DLC1: variants seen among roughly 807,000 people sequenced by gnomAD.
DLC1 encodes the protein DLC1 Rho GTPase activating protein.
A neutral mutation model predicts 140.3 loss-of-function variants in DLC1; 54 were observed. That is an observed-to-expected ratio of 0.38 (90% CI 0.31 to 0.48). The LOEUF (loss-of-function observed/expected upper bound fraction) is 0.48, where lower values mean the gene tolerates loss of function less well. DLC1 is among the 20% of genes least tolerant of loss of function. The pLI, the probability that DLC1 is intolerant of heterozygous loss-of-function variation, is 0.96. For missense variants in DLC1, 2,536 were observed against 1,907.0 expected, an observed-to-expected ratio of 1.33 and a Z score of -6.14; for synonymous variants, 986 against 728.1, an observed-to-expected ratio of 1.35 and a Z score of -5.70.
intron 5 of DLC1, among the ~76,000 whole-genome samples, chr8:13,300,393 C>T (rs569086878): frequency 2.0e-5 from 3 of 152,250 alleles, no homozygotes; most frequent in South Asian, 2.1e-4. Flanking sequence ...CGTTTACCTA[C>T]GTAACAAATT....
intron 5 of DLC1, among the ~76,000 whole-genome samples, chr8:13,233,293 T>TAAAAAAAAAAAAAAAAA (rs71207134): frequency 1.4e-5 from 1 of 70,388 alleles, no homozygotes; most frequent in African/African-American, 5.8e-5. Flanking sequence ...AGACTCTGTA[T>TAAAAAAAAAAAAAAAAA]AAAAAAAAAA....
intron 2 of DLC1, among the ~76,000 whole-genome samples, chr8:13,460,239 C>G (rs1186783058): frequency 1.3e-5 from 2 of 152,224 alleles, no homozygotes; most frequent in African/African-American, 4.8e-5. Flanking sequence ...GCCCATCTCT[C>G]TGATTGCCTC....
chr8:13,513,453 C>G (rs1202932426), intron 1 of DLC1, among the ~76,000 whole-genome samples: 2 of 151,928 alleles, frequency 1.3e-5, no homozygotes, highest in African/African-American at 4.8e-5. Flanking sequence ...AGATGGTCAC[C>G]TTGTACTATA....
At chr8:13,323,020 C>T (rs916267811) in intron 4 of DLC1, among the ~76,000 whole-genome samples, 2 of 152,124 alleles carry the variant, frequency 1.3e-5, no homozygotes, top group Non-Finnish European at 2.9e-5. Flanking sequence ...GAAGCAAGGC[C>T]TCCAACAACC....
intron 1 of DLC1, among the ~76,000 whole-genome samples, chr8:13,555,094 A>G (rs1421387870): frequency 1.3e-5 from 2 of 152,220 alleles, no homozygotes; most frequent in African/African-American, 2.4e-5. Flanking sequence ...CGATAACCTC[A>G]TGATTCATTC....
chr8:13,090,762 A>T (rs1204309734), intron 14 of DLC1, among the ~76,000 whole-genome samples: 1 of 152,078 alleles, frequency 6.6e-6, no homozygotes, highest in East Asian at 1.9e-4. Flanking sequence ...GGAAGTGGAT[A>T]CAGCAGTTTA....
intron 4 of DLC1, among the ~76,000 whole-genome samples, chr8:13,360,794 A>T (rs546637848): frequency 1.3e-5 from 2 of 152,298 alleles, no homozygotes; most frequent in Admixed American, 6.5e-5. Context: ...TACTACCCAC[A>T]TACAAACATT....
At chr8:13,276,981 TG>T (rs1159508857) in intron 5 of DLC1, 3 of 152,442 alleles carry the variant, frequency 2.0e-5, no homozygotes, top group Middle Eastern at 3.4e-3. Flanking sequence ...AAGGAAGATA[TG>T]GCTGGAAGGA....
intron 5 of DLC1, among the ~76,000 whole-genome samples, chr8:13,284,329 C>G (rs1257646265): frequency 6.6e-6 from 1 of 152,072 alleles, no homozygotes; most frequent in African/African-American, 2.4e-5. Flanking sequence ...GAGTTCGAGA[C>G]CAGCCTGACC....
chr8:13,390,880 C>T (rs1200606414), intron 4 of DLC1, among the ~76,000 whole-genome samples: 4 of 151,402 alleles, frequency 2.6e-5, no homozygotes, highest in South Asian at 2.1e-4. Flanking sequence ...CCCAGCTACT[C>T]GGGAGGCTGA....
intron 1 of DLC1, among the ~76,000 whole-genome samples, chr8:13,599,963 T>A (rs1376781813): frequency 6.6e-6 from 1 of 151,980 alleles, no homozygotes; most frequent in Non-Finnish European, 1.5e-5. Flanking sequence ...AGGTTTAGCA[T>A]CTTCACCACC....
At chr8:13,151,510 A>T (rs892052731) in intron 5 of DLC1, among the ~76,000 whole-genome samples, 1 of 152,232 alleles carries the variant, frequency 6.6e-6, no homozygotes, top group African/African-American at 2.4e-5. Flanking sequence ...TGTAATCTGC[A>T]TTTTCAAATC....
intron 2 of DLC1, among the ~76,000 whole-genome samples, chr8:13,452,718 G>A (rs930182805): frequency 4.7e-5 from 7 of 150,060 alleles, no homozygotes; most frequent in African/African-American, 1.8e-4. Flanking sequence ...CTACCCCCCT[G>A]ATTAATCCAA....
At chr8:13,551,684 A>G (rs1803857306) in intron 1 of DLC1, among the ~76,000 whole-genome samples, 1 of 151,926 alleles carries the variant, frequency 6.6e-6, no homozygotes. Context: ...ATCTAGATGA[A>G]AAACTTTTGG....
chr8:13,477,135 A>G (rs950637134), intron 2 of DLC1, among the ~76,000 whole-genome samples: 2 of 152,170 alleles, frequency 1.3e-5, no homozygotes, highest in African/African-American at 4.8e-5. Context: ...TATGCAGAGG[A>G]AGCACATGCT....
intron 2 of DLC1, among the ~76,000 whole-genome samples, chr8:13,458,384 T>A (rs1267522452): frequency 3.9e-5 from 6 of 152,204 alleles, no homozygotes; most frequent in Non-Finnish European, 7.3e-5. Context: ...GAGCACAGAA[T>A]TCTTAACTCC....
chr8:13,160,222 C>G (rs1332459621), intron 5 of DLC1: 1 of 152,226 alleles, frequency 6.6e-6, no homozygotes. Flanking sequence ...TGATCACAAC[C>G]AGTTACAGAT....
chr8:13,129,720 T>G (rs928124206), intron 5 of DLC1, among the ~76,000 whole-genome samples: 1 of 152,234 alleles, frequency 6.6e-6, no homozygotes, highest in Non-Finnish European at 1.5e-5. Flanking sequence ...GATGTGGGTC[T>G]GGATGCGAGT....
At chr8:13,462,259 T>G (rs1468335100) in intron 2 of DLC1, among the ~76,000 whole-genome samples, 2 of 152,220 alleles carry the variant, frequency 1.3e-5, no homozygotes, top group East Asian at 3.8e-4. Flanking sequence ...ATTTGTCATT[T>G]TATCCTGTAG....
Sources: allele counts gnomAD v4.1 joint callset (sites outside exome capture counted in the v4.1 genomes callset), GRCh38; gene constraint gnomAD v4.1.1; transcripts MANE v1.5; gene names NCBI Gene and HGNC (gene_info 2026-07-23, HGNC 2026-07-21).